GLIS3: variants seen among roughly 807,000 people sequenced by gnomAD.
GLIS3 encodes zinc finger protein GLIS3.
GLIS3 carries 53 observed loss-of-function variants against 78.6 expected under a neutral mutation model. That is an observed-to-expected ratio of 0.67 (90% CI 0.54 to 0.85). GLIS3 has a LOEUF of 0.85. Among genes scored for constraint, GLIS3 ranks in the 40% least tolerant of loss-of-function variants. The probability of loss-of-function intolerance (pLI) is 0.00; values close to 1 mark genes in which losing one functional copy is unlikely to be tolerated. For missense variants in GLIS3, 1,703 were observed against 1,231.1 expected (o/e 1.38, Z -5.74); for synonymous variants, 684 against 509.9 (o/e 1.34, Z -4.60).
intron 4 of GLIS3, among the ~76,000 whole-genome samples, chr9:4,047,440 T>A (rs1206038794): frequency 6.6e-6 from 1 of 152,340 alleles, no homozygotes; most frequent in South Asian, 2.1e-4. Flanking sequence ...ATTACTTTTT[T>A]AGACCCATAT....
intron 6 of GLIS3, among the ~76,000 whole-genome samples, chr9:3,922,445 C>T (rs1824953391): frequency 6.6e-6 from 1 of 152,166 alleles, no homozygotes; most frequent in Non-Finnish European, 1.5e-5. Context: ...TGAAAGTTTG[C>T]ATATGTCCTC....
At chr9:4,212,647 C>G (rs1820476417) in intron 2 of GLIS3, among the ~76,000 whole-genome samples, 1 of 152,104 alleles carries the variant, frequency 6.6e-6, no homozygotes, top group African/African-American at 2.4e-5. Context: ...TAAAAGGCAA[C>G]TATGGAAACA....
At chr9:3,983,683 T>G (rs1247628928) in intron 4 of GLIS3, among the ~76,000 whole-genome samples, 1 of 152,126 alleles carries the variant, frequency 6.6e-6, no homozygotes, top group Admixed American at 6.5e-5. Context: ...AAGAGAGTAG[T>G]GGCATTTTTC....
chr9:4,488,051 T>G, the GLIS3 span, among the ~76,000 whole-genome samples: 2 of 152,178 alleles, frequency 1.3e-5, no homozygotes, highest in Admixed American at 1.3e-4. Flanking sequence ...TTGTTAAAAT[T>G]TTGGCATATT....
chr9:3,831,649 A>C (rs770176262), intron 9 of GLIS3, among the ~76,000 whole-genome samples: 1 of 152,246 alleles, frequency 6.6e-6, no homozygotes, highest in African/African-American at 2.4e-5. Context: ...TCTGAAGAAC[A>C]TTAAGAAATT....
chr9:4,232,420 A>G lies in GLIS3; in HGVS notation c.388+53618T>C, dbSNP rs551403603. Among the ~76,000 whole-genome samples, 3 of 151,596 alleles carry G rather than the reference A, an allele frequency of 2.0e-5. No individual in the cohort carries two copies. In the East Asian group the frequency reaches 5.8e-4, roughly 29 times the overall value. ...AAAAAAAGAAAAGAAAAAAAAAGAA[A>G]GAAACAAAGAAACAAAGAAGACACC... On this transcript the variant is annotated intron_variant, in intron 2 of 10. Coordinates refer to ENST00000381971, the MANE Select transcript of GLIS3 (RefSeq NM_001042413.2).
At chr9:3,913,134 T>C (rs1305136886) in intron 6 of GLIS3, among the ~76,000 whole-genome samples, 1 of 152,156 alleles carries the variant, frequency 6.6e-6, no homozygotes, top group Non-Finnish European at 1.5e-5. Context: ...GCTTAGGAAG[T>C]GTGGGGAGGG....
intron 5 of GLIS3, among the ~76,000 whole-genome samples, chr9:3,935,925 T>G (rs927969721): frequency 6.6e-6 from 1 of 152,232 alleles, no homozygotes; most frequent in African/African-American, 2.4e-5. Context: ...TAATTCTGTT[T>G]AGAAAGGTTA....
At chr9:4,011,059 C>G (rs747691778) in intron 4 of GLIS3, among the ~76,000 whole-genome samples, 2 of 152,174 alleles carry the variant, frequency 1.3e-5, no homozygotes, top group African/African-American at 4.8e-5. Context: ...GATGGACTGA[C>G]CACTCACTTA....
At chr9:4,096,286 G>A (rs117260591) in intron 4 of GLIS3, among the ~76,000 whole-genome samples, 1,883 of 152,226 alleles carry the variant, frequency 0.012, 25 homozygotes, top group Middle Eastern at 0.058. Context: ...TTGGGTGTTT[G>A]GTTCTTTTTT....
the GLIS3 span, among the ~76,000 whole-genome samples, chr9:4,394,436 C>G: frequency 6.6e-6 from 1 of 151,980 alleles, no homozygotes; most frequent in Non-Finnish European, 1.5e-5. Flanking sequence ...TGGCATTAGG[C>G]TTTGGGATCT....
chr9:4,264,064 A>G (rs1411570655), intron 2 of GLIS3, among the ~76,000 whole-genome samples: 1 of 152,154 alleles, frequency 6.6e-6, no homozygotes, highest in Admixed American at 6.5e-5. Context: ...CATGTACCCA[A>G]CATCCCCACT....
chr9:4,123,395 C>T (rs1236916614), intron 3 of GLIS3, among the ~76,000 whole-genome samples: 1 of 152,050 alleles, frequency 6.6e-6, no homozygotes, highest in East Asian at 1.9e-4. Flanking sequence ...ACTCTTTTAA[C>T]ACAACAAATT....
At chr9:4,007,804 A>G (rs1341087090) in intron 4 of GLIS3, among the ~76,000 whole-genome samples, 1 of 149,402 alleles carries the variant, frequency 6.7e-6, no homozygotes, top group African/African-American at 2.5e-5. Flanking sequence ...TTGCTTTGGA[A>G]GGATCAGGAC....
intron 7 of GLIS3, among the ~76,000 whole-genome samples, chr9:3,888,923 T>C (rs1381292068): frequency 6.6e-6 from 1 of 152,184 alleles, no homozygotes; most frequent in African/African-American, 2.4e-5. Flanking sequence ...TGCTAGAAAA[T>C]ATATTTTGAG....
chr9:4,099,886 A>G (rs1490450331), intron 4 of GLIS3, among the ~76,000 whole-genome samples: 1 of 152,244 alleles, frequency 6.6e-6, no homozygotes, highest in Admixed American at 6.5e-5. Context: ...GTGAAAATGA[A>G]AAGATTTACA....
Position 3,828,254 on chromosome 9 carries a change from G to C in GLIS3, c.*18C>G, listed in dbSNP as rs1817831441. The C allele has an allele frequency of 1.2e-6, 2 of 1,613,798 alleles. No individual in the cohort carries two copies. Among genetic ancestry groups the C allele is most frequent in the Non-Finnish European group, 8.5e-7 (1 of 1,179,976 alleles). ...CAACATCAAGGTCCTGGGTGTGCAG[G>C]AGTGGCCAAGAGAGCTTTTAGCCTT... is the stretch of plus-strand genomic sequence containing the variant. On this transcript the variant is annotated 3_prime_UTR_variant, in exon 11 of 11. Coordinates refer to ENST00000381971, the MANE Select transcript of GLIS3 (RefSeq NM_001042413.2).
the GLIS3 span, among the ~76,000 whole-genome samples, chr9:4,478,099 T>C: frequency 6.6e-6 from 1 of 151,882 alleles, no homozygotes; most frequent in Non-Finnish European, 1.5e-5. Flanking sequence ...GGGCAAAAAA[T>C]ATACAAGATG....
chr9:4,227,240 C>T (rs564885144), intron 2 of GLIS3, among the ~76,000 whole-genome samples: 24 of 151,604 alleles, frequency 1.6e-4, no homozygotes, highest in African/African-American at 5.8e-4. Flanking sequence ...TATTTTACCC[C>T]GTCCTAGAAA....
Sources: allele counts gnomAD v4.1 joint callset (sites outside exome capture counted in the v4.1 genomes callset), GRCh38; gene constraint gnomAD v4.1.1; transcripts MANE v1.5; gene names NCBI Gene and HGNC (gene_info 2026-07-23, HGNC 2026-07-21).